Variants in ASCC1 observed in about 807,000 individuals in gnomAD.
ASCC1 encodes the protein activating signal cointegrator 1 complex subunit 1.
In ASCC1, 35 loss-of-function variants were observed where a neutral mutation model predicts 46.6. The ratio of observed to expected loss-of-function variants is 0.75; its 90% CI spans 0.57 to 0.99. The LOEUF (loss-of-function observed/expected upper bound fraction) is 0.99, where lower values mean the gene tolerates loss of function less well. ASCC1 is among the 50% of genes least tolerant of loss of function. The pLI is 0.00. For missense variants in ASCC1, 376 were observed against 428.7 expected, an observed-to-expected ratio of 0.88 and a Z score of 1.09; for synonymous variants, 143 against 146.6, an observed-to-expected ratio of 0.98 and a Z score of 0.18.
rs774161830 is a variant in ASCC1, at chr10:72,097,270, C to T, written c.*64G>A. The stretch of plus-strand genomic sequence containing the variant: ...CCACATCCCTGCTTGGCAATTAAAA[C>T]GAAGACACTTTTCTTCAGCACCTGG... On this transcript the variant is annotated 3_prime_UTR_variant, in exon 10 of 10. Transcript: ENST00000672957. The T allele has an allele frequency of 9.5e-6, 11 of 1,163,448 alleles. No homozygotes were observed. The highest frequency in any genetic ancestry group is 5.1e-5 in the Admixed American group (3 of 58,840). The allele number at this position is 1,163,448 out of a possible 1,614,324, so 72.1% of individuals were successfully genotyped here. A position where few individuals can be genotyped will look rare whatever the true frequency, so the allele number is the denominator to read the frequency against.
At chr10:72,158,126 A>C (rs556646509) in intron 6 of ASCC1, among the ~76,000 whole-genome samples, 12 of 152,104 alleles carry the variant, frequency 7.9e-5, no homozygotes, top group Non-Finnish European at 1.2e-4. Context: ...GTTTCAACCC[A>C]CCCCTGAGAT....
intron 5 of ASCC1, among the ~76,000 whole-genome samples, chr10:72,192,454 CAA>C (rs770758322): frequency 1.6e-4 from 17 of 109,280 alleles, no homozygotes; most frequent in Admixed American, 2.0e-4. Context: ...GACTCCGTCT[CAA>C]AAAAAAAAAA....
intron 5 of ASCC1, chr10:72,190,333 T>C (rs775261300): frequency 7.7e-6 from 8 of 1,039,416 alleles, no homozygotes; most frequent in African/African-American, 4.7e-5. Flanking sequence ...TTGGTGAAGA[T>C]TCCACATACA....
At chr10:72,173,174 A>G (rs935523201) in intron 5 of ASCC1, among the ~76,000 whole-genome samples, 1 of 151,730 alleles carries the variant, frequency 6.6e-6, no homozygotes, top group Admixed American at 6.6e-5. Flanking sequence ...TGACTAGGAA[A>G]CATAAGGGGA....
At position 72,193,971 on chromosome 10, in the gene ASCC1, G is replaced by A. The variant is rs560642074; in HGVS notation, c.489+2840C>T. ...TGCCTCAGCCTCACGAGTAACTGGG[G>A]CTACAGGTGCCCGCCACCACACCCG... On this transcript the variant is annotated intron_variant, in intron 5 of 9. Coordinates refer to ENST00000672957, the MANE Select transcript of ASCC1 (RefSeq NM_001198800.3). Among the ~76,000 whole-genome samples, 10 of 151,402 alleles carry A rather than the reference G, an allele frequency of 6.6e-5. No individual in the cohort carries two copies. The South Asian group carries it at 1.9e-3, about 29-fold the overall frequency.
chr10:72,098,645 T>C (rs935868914), intron 9 of ASCC1, among the ~76,000 whole-genome samples: 10 of 152,248 alleles, frequency 6.6e-5, no homozygotes, highest in Non-Finnish European at 1.2e-4. Flanking sequence ...TTGGCCACCA[T>C]TGCTTTTCCT....
upstream of ASCC1, chr10:72,216,818 T>C (rs1471828456): frequency 2.2e-6 from 1 of 456,166 alleles, no homozygotes; most frequent in East Asian, 7.0e-5. Flanking sequence ...AGCCCCAACT[T>C]ACCTGACAGG....
At chr10:72,139,492 T>C (rs768333555) in intron 7 of ASCC1, among the ~76,000 whole-genome samples, 5 of 152,234 alleles carry the variant, frequency 3.3e-5, no homozygotes, top group Non-Finnish European at 7.3e-5. Flanking sequence ...AGCTTCTCTA[T>C]GCCTTTGCTT....
chr10:72,189,993 T>A, intron 5 of ASCC1: 1 of 757,196 alleles, frequency 1.3e-6, no homozygotes, highest in South Asian at 1.3e-5. Context: ...CAGTCTGATG[T>A]CATGTGCTTT....
chr10:72,131,752 A>G (rs1414218877), intron 8 of ASCC1, among the ~76,000 whole-genome samples: 3 of 152,202 alleles, frequency 2.0e-5, no homozygotes, highest in African/African-American at 7.2e-5. Flanking sequence ...TCTTTGGTAC[A>G]TATCTGAGAG....
chr10:72,140,236 C>T (rs1846803753), intron 7 of ASCC1, among the ~76,000 whole-genome samples: 1 of 152,090 alleles, frequency 6.6e-6, no homozygotes, highest in Admixed American at 6.5e-5. Context: ...AGAGAAATAG[C>T]ATTTGGACAA....
At chr10:72,192,466 A>AG (rs926228392) in intron 5 of ASCC1, among the ~76,000 whole-genome samples, 16 of 151,958 alleles carry the variant, frequency 1.1e-4, no homozygotes, top group Non-Finnish European at 2.2e-4. Context: ...AAAAAAAAAA[A>AG]AAAGAAAGAA....
intron 6 of ASCC1, among the ~76,000 whole-genome samples, chr10:72,154,741 C>T (rs956801524): frequency 6.6e-6 from 1 of 152,190 alleles, no homozygotes; most frequent in African/African-American, 2.4e-5. Flanking sequence ...ATCTGCCTGC[C>T]TTGGCCTCCC....
chr10:72,098,231 T>A (rs1841317110), intron 9 of ASCC1, among the ~76,000 whole-genome samples: 2 of 152,128 alleles, frequency 1.3e-5, no homozygotes, highest in African/African-American at 4.8e-5. Flanking sequence ...CAAAATGACA[T>A]CAGAATTCAT....
chr10:72,186,084 G>A (rs1853409792), intron 5 of ASCC1, among the ~76,000 whole-genome samples: 2 of 151,836 alleles, frequency 1.3e-5, no homozygotes, highest in Admixed American at 6.6e-5. Context: ...ATGGGAGTTA[G>A]CTTCTAATGT....
intron 9 of ASCC1, among the ~76,000 whole-genome samples, chr10:72,116,920 C>T (rs1261154293): frequency 1.3e-5 from 2 of 152,040 alleles, no homozygotes; most frequent in African/African-American, 4.8e-5. Context: ...CAGTAAGACC[C>T]CATCTCTATA....
At chr10:72,154,122 G>A (rs1325819555) in intron 6 of ASCC1, among the ~76,000 whole-genome samples, 2 of 152,194 alleles carry the variant, frequency 1.3e-5, no homozygotes, top group African/African-American at 2.4e-5. Flanking sequence ...CCCAAGCTAA[G>A]GAAACAATTT....
At chr10:72,165,377 A>G (rs968786138) in intron 5 of ASCC1, among the ~76,000 whole-genome samples, 1 of 152,156 alleles carries the variant, frequency 6.6e-6, no homozygotes, top group East Asian at 1.9e-4. Context: ...CAGCCTCCCA[A>G]AGTGCTGGGA....
intron 5 of ASCC1, among the ~76,000 whole-genome samples, chr10:72,175,861 G>C (rs375237845): frequency 1.3e-5 from 2 of 152,198 alleles, no homozygotes; most frequent in East Asian, 1.9e-4. Context: ...CCCAAAGACA[G>C]ACCCTGGTTC....
Sources: gnomAD v4.1 joint callset for allele counts (sites outside exome capture counted in the v4.1 genomes callset) on GRCh38, gnomAD v4.1.1 for gene constraint, MANE v1.5 for transcripts, NCBI Gene and HGNC (gene_info 2026-07-23, HGNC 2026-07-21) for gene names.